The following ANK3 variants were observed in gnomAD, a reference collection of about 807,000 sequenced individuals.
The protein encoded by ANK3 is ankyrin-3.
A neutral mutation model predicts 370.9 loss-of-function variants in ANK3; 57 were observed. The observed-to-expected ratio is 0.15, with a 90% CI of 0.12 to 0.19. The LOEUF (loss-of-function observed/expected upper bound fraction) is 0.19. ANK3 is among the 10% of genes least tolerant of loss of function. The probability of loss-of-function intolerance (pLI) is 1.00; values close to 1 mark genes in which losing one functional copy is unlikely to be tolerated. For synonymous variants in ANK3, 1,929 were observed against 1,946.3 expected, an observed-to-expected ratio of 0.99 and a Z score of 0.23; for missense variants, 4,439 against 5,302.1, an observed-to-expected ratio of 0.84 and a Z score of 5.06.
chr10:60,675,642 T>C (rs548742552), intron 1 of ANK3, among the ~76,000 whole-genome samples: 4 of 152,330 alleles, frequency 2.6e-5, no homozygotes, highest in African/African-American at 9.6e-5. Context: ...TATACTAAAT[T>C]TGAGTGGTTA....
chr10:60,445,938 C>T (rs2064434103), intron 2 of ANK3, among the ~76,000 whole-genome samples: 1 of 152,138 alleles, frequency 6.6e-6, no homozygotes, highest in Non-Finnish European at 1.5e-5. Flanking sequence ...TTATGTCTGC[C>T]CAATGTAACC....
intron 23 of ANK3, among the ~76,000 whole-genome samples, chr10:60,141,186 G>A (rs1382538097): frequency 6.6e-6 from 1 of 152,178 alleles, no homozygotes; most frequent in African/African-American, 2.4e-5. Context: ...AATTGCCGCT[G>A]CTTTTTATCA....
chr10:60,542,351 G>T (rs1364910699), intron 2 of ANK3, among the ~76,000 whole-genome samples: 3 of 151,740 alleles, frequency 2.0e-5, no homozygotes, highest in African/African-American at 7.3e-5. Flanking sequence ...CTTACTTTGG[G>T]AATGACATTC....
chr10:60,145,564 T>C (rs1405389325), intron 23 of ANK3, among the ~76,000 whole-genome samples: 1 of 152,234 alleles, frequency 6.6e-6, no homozygotes, highest in Non-Finnish European at 1.5e-5. Context: ...GTGTTTTATA[T>C]GTATTATTTA....
At chr10:60,535,575 G>C (rs1272084450) in intron 2 of ANK3, among the ~76,000 whole-genome samples, 2 of 151,992 alleles carry the variant, frequency 1.3e-5, no homozygotes, top group African/African-American at 4.8e-5. Flanking sequence ...CAATAAAGAG[G>C]AGGGGCTGTA....
At chr10:60,507,007 T>C (rs1183840149) in intron 2 of ANK3, among the ~76,000 whole-genome samples, 2 of 152,120 alleles carry the variant, frequency 1.3e-5, no homozygotes, top group Non-Finnish European at 2.9e-5. Context: ...TGGCATTTAT[T>C]CACACATCCA....
chr10:60,431,649 T>C (rs922220473), intron 2 of ANK3, among the ~76,000 whole-genome samples: 2 of 152,034 alleles, frequency 1.3e-5, no homozygotes, highest in African/African-American at 4.8e-5. Context: ...GCCTGTTAGC[T>C]GGTGGGGGGG....
chr10:60,308,366 C>T (rs1211652006), intron 1 of ANK3, among the ~76,000 whole-genome samples: 1 of 128,682 alleles, frequency 7.8e-6, no homozygotes, highest in African/African-American at 3.0e-5. Context: ...GTGGCATGAT[C>T]TCGGCTCACT....
At chr10:60,522,794 A>C (rs2076378705) in intron 2 of ANK3, among the ~76,000 whole-genome samples, 1 of 152,054 alleles carries the variant, frequency 6.6e-6, no homozygotes, top group Admixed American at 6.6e-5. Context: ...TATGAAACAG[A>C]CATGTTTCAA....
At chr10:60,350,462 A>G (rs1327921050) in intron 1 of ANK3, among the ~76,000 whole-genome samples, 2 of 152,214 alleles carry the variant, frequency 1.3e-5, no homozygotes, top group Non-Finnish European at 2.9e-5. Flanking sequence ...ATGTGGGCAG[A>G]CAGGACAGAT....
At chr10:60,218,329 G>A (rs1349707478) in intron 8 of ANK3, among the ~76,000 whole-genome samples, 1 of 139,042 alleles carries the variant, frequency 7.2e-6, no homozygotes, top group East Asian at 2.2e-4. Context: ...TCATCATGCT[G>A]CTATTTGGTT....
intron 23 of ANK3, chr10:60,139,385 A>T (rs1319746735): frequency 3.2e-6 from 1 of 313,272 alleles, no homozygotes; most frequent in Non-Finnish European, 5.8e-6. Flanking sequence ...AGAAAGGTGG[A>T]TGTTTTATGT....
chr10:60,355,122 T>C (rs2057521427), intron 1 of ANK3, among the ~76,000 whole-genome samples: 1 of 152,194 alleles, frequency 6.6e-6, no homozygotes, highest in Admixed American at 6.5e-5. Flanking sequence ...GTTAACAATG[T>C]TTAATCCCGG....
At chr10:60,704,612 CTT>C (rs2079589174) in intron 1 of ANK3, among the ~76,000 whole-genome samples, 1 of 152,094 alleles carries the variant, frequency 6.6e-6, no homozygotes, top group Non-Finnish European at 1.5e-5. Flanking sequence ...TCCTCCTGAC[CTT>C]TCCCAACAAA....
At chr10:60,695,573 A>C (rs2079434847) in intron 1 of ANK3, among the ~76,000 whole-genome samples, 1 of 152,210 alleles carries the variant, frequency 6.6e-6, no homozygotes, top group African/African-American at 2.4e-5. Context: ...AGTGCAATCA[A>C]ACTAGAACTC....
rs1030005560 is a variant in ANK3, at chr10:60,053,700, G to A, written c.13065+1958C>T. 3.5e-5 allele frequency: 46 copies of A among 1,304,036 alleles called. No homozygotes were observed. The East Asian group carries it at 3.9e-4, about 11-fold the overall frequency. 80.8% of individuals were successfully genotyped at this position (1,304,036 alleles called of 1,614,324 possible). ...ACCTTATAACAGCAGGCAGTCATCC[G>A]TGTAGGAGCCGCACCCGGACTTTTG... On this transcript the variant is annotated intron_variant, in intron 42 of 43. Transcript: ENST00000280772.
intron 23 of ANK3, among the ~76,000 whole-genome samples, chr10:60,160,242 T>C (rs866943824): frequency 1.3e-5 from 2 of 151,820 alleles, no homozygotes; most frequent in Non-Finnish European, 2.9e-5. Flanking sequence ...AGTGCAAAAA[T>C]TCAAAGGCTC....
At chr10:60,656,193 G>C (rs1315014395) in intron 1 of ANK3, among the ~76,000 whole-genome samples, 11 of 152,228 alleles carry the variant, frequency 7.2e-5, no homozygotes, top group African/African-American at 2.6e-4. Flanking sequence ...AATAAATGTA[G>C]GTCTAGTAAA....
intron 1 of ANK3, among the ~76,000 whole-genome samples, chr10:60,658,771 A>G (rs1369429415): frequency 6.6e-6 from 1 of 151,402 alleles, no homozygotes; most frequent in East Asian, 1.9e-4. Flanking sequence ...GCATTTCTCT[A>G]AAGATTATTG....
Sources: allele counts gnomAD v4.1 joint callset (sites outside exome capture counted in the v4.1 genomes callset), GRCh38; gene constraint gnomAD v4.1.1; transcripts MANE v1.5; gene names NCBI Gene and HGNC (gene_info 2026-07-23, HGNC 2026-07-21).